GPR158: variants seen among roughly 807,000 people sequenced by gnomAD.
GPR158 encodes metabotropic glycine receptor.
In GPR158, 30 loss-of-function variants were observed where a neutral mutation model predicts 78.2. The observed-to-expected ratio is 0.38, with a 90% CI of 0.29 to 0.52. The LOEUF is 0.52. GPR158 is among the 20% of genes least tolerant of loss of function. The pLI is 0.83. For missense variants in GPR158, 1,463 were observed against 1,523.5 expected (o/e 0.96, Z 0.66); for synonymous variants, 581 against 591.1 (o/e 0.98, Z 0.25).
intron 2 of GPR158, among the ~76,000 whole-genome samples, chr10:25,287,346 A>G (rs895279904): frequency 1.3e-5 from 2 of 151,994 alleles, no homozygotes; most frequent in African/African-American, 4.8e-5. Flanking sequence ...TGTAGGGGAG[A>G]AAAGAAAGGT....
Position 25,549,712 on chromosome 10 carries a change from G to A in GPR158, c.1405-1264G>A, listed in dbSNP as rs534244476. On this transcript the variant is annotated intron_variant, in intron 5 of 10. Coordinates refer to ENST00000376351, the MANE Select transcript of GPR158 (RefSeq NM_020752.3). The stretch of plus-strand genomic sequence containing the variant: ...TTTGTCCGTATTTTCTCCATTCCTT[G>A]AGAACTTAATGTCTTTGTGTAGTAG... Among the ~76,000 whole-genome samples, 5 of 152,096 alleles carry A rather than the reference G, an allele frequency of 3.3e-5. No individual in the cohort carries two copies. The South Asian group carries it at 1.0e-3, about 32-fold the overall frequency.
At chr10:25,559,055 G>A (rs2130719583) in intron 6 of GPR158, among the ~76,000 whole-genome samples, 1 of 152,298 alleles carries the variant, frequency 6.6e-6, no homozygotes, top group African/African-American at 2.4e-5. Flanking sequence ...TGAGAGAGGG[G>A]TTGGAAATTT....
At chr10:25,547,765 G>A (rs1248545747) in intron 5 of GPR158, among the ~76,000 whole-genome samples, 1 of 152,138 alleles carries the variant, frequency 6.6e-6, no homozygotes, top group African/African-American at 2.4e-5. Context: ...GTAGCCCTGA[G>A]CACATCACTT....
intron 1 of GPR158, among the ~76,000 whole-genome samples, chr10:25,178,971 C>T (rs1201156628): frequency 1.3e-5 from 2 of 152,168 alleles, no homozygotes; most frequent in East Asian, 3.9e-4. Context: ...GACCTCTGTA[C>T]ACAACCTGTG....
At chr10:25,298,922 T>C (rs987123033) in intron 2 of GPR158, among the ~76,000 whole-genome samples, 2 of 152,220 alleles carry the variant, frequency 1.3e-5, no homozygotes, top group Admixed American at 1.3e-4. Context: ...ACTTTACCTT[T>C]AAGTTTCGTT....
intron 6 of GPR158, among the ~76,000 whole-genome samples, chr10:25,569,069 C>T (rs1378746831): frequency 6.6e-6 from 1 of 152,018 alleles, no homozygotes; most frequent in Non-Finnish European, 1.5e-5. Context: ...TCCTGAAATG[C>T]TTAGATTGAA....
intron 4 of GPR158, among the ~76,000 whole-genome samples, chr10:25,431,168 A>AG (rs1461753296): frequency 2.8e-5 from 2 of 71,584 alleles, no homozygotes; most frequent in African/African-American, 4.2e-5. Context: ...ATTTACAAGA[A>AG]AAAAACAACC....
At chr10:25,590,061 C>G (rs1837320252) in intron 8 of GPR158, among the ~76,000 whole-genome samples, 1 of 152,014 alleles carries the variant, frequency 6.6e-6, no homozygotes, top group Non-Finnish European at 1.5e-5. Context: ...TCCTGGAGAT[C>G]AGTGAGAATG....
chr10:25,451,573 A>G (rs997045722), intron 4 of GPR158, among the ~76,000 whole-genome samples: 3 of 152,246 alleles, frequency 2.0e-5, no homozygotes, highest in African/African-American at 7.2e-5. Context: ...ACTATTTTAA[A>G]ATGACAGCTT....
intron 2 of GPR158, among the ~76,000 whole-genome samples, chr10:25,261,523 A>G (rs1172258533): frequency 1.3e-5 from 2 of 152,046 alleles, no homozygotes; most frequent in Non-Finnish European, 2.9e-5. Flanking sequence ...AGAAATTTTT[A>G]GTGCAAAGTC....
chr10:25,580,804 C>T (rs946083558), intron 7 of GPR158, among the ~76,000 whole-genome samples: 8 of 152,184 alleles, frequency 5.3e-5, no homozygotes, highest in Admixed American at 2.6e-4. Context: ...TAGCTTGCTG[C>T]AGCTTCGAAC....
intron 2 of GPR158, among the ~76,000 whole-genome samples, chr10:25,306,095 T>C (rs776655747): frequency 7.9e-5 from 12 of 151,052 alleles, no homozygotes; most frequent in Non-Finnish European, 1.5e-4. Context: ...GGCTCCCAAC[T>C]TACTTTCTTT....
At chr10:25,594,907 C>T (rs1368449690) in intron 9 of GPR158, among the ~76,000 whole-genome samples, 1 of 152,240 alleles carries the variant, frequency 6.6e-6, no homozygotes, top group East Asian at 1.9e-4. Flanking sequence ...TACAGGGATT[C>T]TAGACTCGTG....
In GPR158 at chr10:25,529,509, C is replaced by T. The variant is rs562743362; in HGVS notation, c.1405-21467C>T. ...TTTGGAAGCCTCTCATTGCAGGGAT[C>T]GGGGAGTGGCAAGTTGGATTGGAGG... On this transcript the variant is annotated intron_variant, in intron 5 of 10. Coordinates refer to ENST00000376351, the MANE Select transcript of GPR158 (RefSeq NM_020752.3). Among the ~76,000 whole-genome samples, 23 of 152,230 alleles carry T rather than the reference C, an allele frequency of 1.5e-4. 1 individual carries two copies. Among genetic ancestry groups the T allele is most frequent in the South Asian group, 6.2e-4 (3 of 4,826 alleles).
intron 2 of GPR158, among the ~76,000 whole-genome samples, chr10:25,237,606 TTGAC>T (rs1853541463): frequency 6.6e-6 from 1 of 152,216 alleles, no homozygotes; most frequent in Admixed American, 6.5e-5. Context: ...GCTCTTCAAA[TTGAC>T]TAGTGATTAT....
intron 2 of GPR158, among the ~76,000 whole-genome samples, chr10:25,316,556 GTGTC>G (rs1201950662): frequency 5.3e-5 from 8 of 152,286 alleles, no homozygotes; most frequent in African/African-American, 1.9e-4. Flanking sequence ...AAATTGGACA[GTGTC>G]TGTTCTACAT....
At chr10:25,377,670 T>C (rs1159661495) in intron 2 of GPR158, among the ~76,000 whole-genome samples, 2 of 148,782 alleles carry the variant, frequency 1.3e-5, no homozygotes, top group Non-Finnish European at 3.0e-5. Flanking sequence ...CCTAGCGTAC[T>C]TTTTTGAGAT....
intron 6 of GPR158, among the ~76,000 whole-genome samples, chr10:25,554,065 G>T (rs893049165): frequency 1.3e-5 from 2 of 152,082 alleles, no homozygotes; most frequent in Admixed American, 6.6e-5. Flanking sequence ...GCAAAAACAG[G>T]ATTCATTGGA....
chr10:25,458,278 G>T (rs1227280511), intron 4 of GPR158, among the ~76,000 whole-genome samples: 1 of 152,158 alleles, frequency 6.6e-6, no homozygotes, highest in African/African-American at 2.4e-5. Context: ...AGACCGTCAA[G>T]AATTTAAAAT....
Sources: allele counts gnomAD v4.1 joint callset (sites outside exome capture counted in the v4.1 genomes callset), GRCh38; gene constraint gnomAD v4.1.1; transcripts MANE v1.5; gene names NCBI Gene and HGNC (gene_info 2026-07-23, HGNC 2026-07-21).